Variants in EPS15 observed in about 807,000 individuals in gnomAD.
The protein encoded by EPS15 is epidermal growth factor receptor pathway substrate 15.
EPS15 carries 72 observed loss-of-function variants against 113.8 expected under a neutral mutation model. The ratio of observed to expected loss-of-function variants is 0.63; its 90% CI spans 0.52 to 0.77. The LOEUF is 0.77. Ranked by LOEUF, EPS15 falls within the 30% of genes least tolerant of loss-of-function variation. The pLI, the probability that EPS15 is intolerant of heterozygous loss-of-function variation, is 0.00. For synonymous variants in EPS15, 344 were observed against 363.4 expected (o/e 0.95, Z 0.61); for missense variants, 1,048 against 1,045.8 (o/e 1.00, Z -0.03).
chr1:51,441,381 C>T (rs1652585287), intron 11 of EPS15, among the ~76,000 whole-genome samples: 2 of 151,978 alleles, frequency 1.3e-5, no homozygotes, highest in Admixed American at 6.6e-5. Flanking sequence ...GAAGTCAGAG[C>T]GAAAAGATAA....
Position 51,461,336 on chromosome 1 carries a change from C to T in EPS15, c.502-186G>A, listed in dbSNP as rs143449196. 3.0e-3 allele frequency among the ~76,000 whole-genome samples: 450 copies of T among 151,770 alleles called. 2 individuals are homozygous for T. Among genetic ancestry groups the T allele is most frequent in the African/African-American group, 0.011 (435 of 41,402 alleles). On this transcript the variant is annotated intron_variant, in intron 7 of 24. Transcript: ENST00000371733. ...GTTTGAGACAGCCTAGGAAACATAA[C>T]GAGATCCCATCTCTACAAAAGATAA...
At chr1:51,425,227 G>A (rs916104022) in intron 12 of EPS15, among the ~76,000 whole-genome samples, 6 of 152,158 alleles carry the variant, frequency 3.9e-5, no homozygotes, top group Non-Finnish European at 5.9e-5. Context: ...TCCCAAGCTA[G>A]GCTTTCAGAA....
chr1:51,454,049 C>CAAA (rs376428827), intron 8 of EPS15, among the ~76,000 whole-genome samples: 4 of 88,204 alleles, frequency 4.5e-5, no homozygotes, highest in Non-Finnish European at 9.1e-5. Flanking sequence ...GACTTTGTTT[C>CAAA]AAAAAAAAAA....
chr1:51,501,453 T>C (rs1369753939), intron 1 of EPS15, among the ~76,000 whole-genome samples: 1 of 151,956 alleles, frequency 6.6e-6, no homozygotes, highest in Admixed American at 6.6e-5. Context: ...TTGGTAGTAT[T>C]ATTAGTTTTT....
chr1:51,497,033 G>A (rs1357017919), intron 1 of EPS15, among the ~76,000 whole-genome samples: 2 of 152,114 alleles, frequency 1.3e-5, no homozygotes, highest in Admixed American at 1.3e-4. Context: ...ATGAGTAACT[G>A]AATAACAAGA....
At chr1:51,464,813 T>C (rs1282373847) in intron 6 of EPS15, among the ~76,000 whole-genome samples, 1 of 152,210 alleles carries the variant, frequency 6.6e-6, no homozygotes, top group Non-Finnish European at 1.5e-5. Context: ...TGATCTGCTA[T>C]AGTCTAAGCA....
chr1:51,390,939 T>C (rs933487215), intron 21 of EPS15, among the ~76,000 whole-genome samples: 1 of 152,190 alleles, frequency 6.6e-6, no homozygotes, highest in Non-Finnish European at 1.5e-5. Flanking sequence ...AGAAATACCA[T>C]TTGACCCAGC....
intron 10 of EPS15, among the ~76,000 whole-genome samples, chr1:51,445,666 C>T (rs961557304): frequency 6.6e-6 from 1 of 151,832 alleles, no homozygotes; most frequent in Non-Finnish European, 1.5e-5. Context: ...GCTCAGCTTT[C>T]TGAAATCCTG....
intron 22 of EPS15, among the ~76,000 whole-genome samples, chr1:51,364,934 A>C (rs1478136063): frequency 6.6e-6 from 1 of 151,822 alleles, no homozygotes; most frequent in African/African-American, 2.4e-5. Flanking sequence ...GGCTCATGTG[A>C]TCCTCCCGCC....
chr1:51,378,546 T>TA (rs971287058), intron 21 of EPS15, among the ~76,000 whole-genome samples: 6 of 152,164 alleles, frequency 3.9e-5, no homozygotes, highest in African/African-American at 1.4e-4. Context: ...TAAAAAAATC[T>TA]AATTCATCCA....
chr1:51,476,674 G>A (rs1643911240), intron 2 of EPS15, among the ~76,000 whole-genome samples: 1 of 151,984 alleles, frequency 6.6e-6, no homozygotes, highest in African/African-American at 2.4e-5. Flanking sequence ...ATTTTTTGAA[G>A]GGTTTTTTGT....
At chr1:51,466,006 T>C (rs1557496578) in intron 5 of EPS15, among the ~76,000 whole-genome samples, 3 of 147,760 alleles carry the variant, frequency 2.0e-5, no homozygotes, top group Admixed American at 6.8e-5. Flanking sequence ...TCTTAAAATT[T>C]AAAAAAACAA....
intron 13 of EPS15, among the ~76,000 whole-genome samples, chr1:51,421,105 T>C (rs558802106): frequency 6.6e-6 from 1 of 152,232 alleles, no homozygotes; most frequent in East Asian, 1.9e-4. Flanking sequence ...CTGCCCAGTT[T>C]TCTCTATTTC....
At position 51,471,752 on chromosome 1, in the gene EPS15, GA is replaced by G. The variant is rs749601570; in HGVS notation, c.166-16del. 15 of 1,585,750 alleles carry G rather than the reference GA, an allele frequency of 9.5e-6. No individual in the cohort carries two copies. The highest frequency in any genetic ancestry group is 6.7e-5 in the African/African-American group (5 of 74,120). ...AAATCCCAAATCTGAAATTTAGGGG[GA>G]AAAAATATCAATGTATATTTTAAAC... On this transcript the variant is annotated splice_polypyrimidine_tract_variant and intron_variant, in intron 3 of 24. Coordinates refer to ENST00000371733, the MANE Select transcript of EPS15 (RefSeq NM_001981.3).
intron 21 of EPS15, among the ~76,000 whole-genome samples, chr1:51,387,974 T>G (rs944192505): frequency 2.4e-4 from 37 of 152,170 alleles, no homozygotes; most frequent in African/African-American, 8.2e-4. Flanking sequence ...GCAGACCTAA[T>G]AGACATCTAC....
rs1161397519 is a variant in EPS15, at chr1:51,357,415, TATATATATATA to T, written c.2545-580_2545-570del. 1.9e-3 allele frequency among the ~76,000 whole-genome samples: 119 copies of T among 61,856 alleles called. 1 individual carries two copies. Among genetic ancestry groups the T allele is most frequent in the African/African-American group, 9.5e-3 (106 of 11,192 alleles). The allele number at this position is 61,856 out of a possible 152,430, so 40.6% of individuals were successfully genotyped here. ...AAATATATATATATATATATATATA[TATATATATATA>T]TTTTTTTTTTTTAAATGTGATATAT... On this transcript the variant is annotated intron_variant, in intron 24 of 24. Transcript: ENST00000371733.
At chr1:51,467,114 G>A (rs995582110) in intron 5 of EPS15, among the ~76,000 whole-genome samples, 3 of 152,074 alleles carry the variant, frequency 2.0e-5, no homozygotes, top group Admixed American at 6.5e-5. Context: ...AAAACCAAAA[G>A]GATAAATTTA....
At chr1:51,460,820 G>A (rs1454135737) in intron 8 of EPS15, 1 of 321,240 alleles carries the variant, frequency 3.1e-6, no homozygotes. Context: ...TGGGCGTGGT[G>A]GCATGTGCCT....
chr1:51,426,837 C>CTATATATATA (rs1553124706), intron 12 of EPS15, among the ~76,000 whole-genome samples: 29 of 143,566 alleles, frequency 2.0e-4, no homozygotes, highest in Non-Finnish European at 4.0e-4. Context: ...CTCTCTCTCT[C>CTATATATATA]TATATATATA....
Sources: allele counts gnomAD v4.1 joint callset (sites outside exome capture counted in the v4.1 genomes callset), GRCh38; gene constraint gnomAD v4.1.1; transcripts MANE v1.5; gene names NCBI Gene and HGNC (gene_info 2026-07-23, HGNC 2026-07-21).